The following TMEM272 variants were observed in gnomAD, a reference collection of about 807,000 sequenced individuals.
The protein encoded by TMEM272 is long intergenic non-protein coding RNA 282.
In TMEM272, 8 loss-of-function variants were observed where a neutral mutation model predicts 3.7. The ratio of observed to expected loss-of-function variants is 2.17; its 90% CI spans 1.27 to 3.91. The LOEUF (loss-of-function observed/expected upper bound fraction) is 3.91, where lower values mean the gene tolerates loss of function less well. Ranked by LOEUF, TMEM272 falls within the 30% of genes most tolerant of loss-of-function variation. The pLI is 0.00. For synonymous variants in TMEM272, 63 were observed against 39.8 expected, an observed-to-expected ratio of 1.58 and a Z score of -2.20; for missense variants, 166 against 91.5, an observed-to-expected ratio of 1.81 and a Z score of -3.32.
upstream of TMEM272, among the ~76,000 whole-genome samples, chr13:51,846,818 T>A (rs776771804): frequency 5.9e-5 from 9 of 152,212 alleles, no homozygotes; most frequent in African/African-American, 1.4e-4. Context: ...TTAAAAAAAA[T>A]TATAAAGTAA....
chr13:51,926,652 T>C, the TMEM272 span, among the ~76,000 whole-genome samples: 19 of 125,366 alleles, frequency 1.5e-4, no homozygotes, highest in East Asian at 3.9e-3. Context: ...GGTGTGGGTG[T>C]GGGTGTGTGT....
At chr13:51,850,858 T>A in the TMEM272 span, among the ~76,000 whole-genome samples, 3 of 152,226 alleles carry the variant, frequency 2.0e-5, no homozygotes, top group African/African-American at 4.8e-5. Flanking sequence ...AAAGTAACAG[T>A]ACAGCACTTC....
chr13:51,914,401 G>A, the TMEM272 span, among the ~76,000 whole-genome samples: 1 of 152,244 alleles, frequency 6.6e-6, no homozygotes, highest in East Asian at 1.9e-4. Context: ...AGGTATGTCT[G>A]TCGCAATGGA....
chr13:51,852,861 A>G, the TMEM272 span, among the ~76,000 whole-genome samples: 5 of 150,358 alleles, frequency 3.3e-5, no homozygotes, highest in African/African-American at 1.2e-4. Context: ...CAGTCTGGGT[A>G]AAAAGAGCAA....
At chr13:51,905,028 C>T in the TMEM272 span, among the ~76,000 whole-genome samples, 105 of 152,304 alleles carry the variant, frequency 6.9e-4, no homozygotes, top group Non-Finnish European at 1.2e-3. Context: ...CAGTAGCACA[C>T]CTCCAGTAGT....
the TMEM272 span, chr13:51,861,952 G>A: frequency 2.0e-5 from 3 of 152,326 alleles, no homozygotes; most frequent in Non-Finnish European, 4.4e-5. Context: ...AATCACTTGT[G>A]AGTCATCAAC....
At chr13:51,901,221 G>A in the TMEM272 span, among the ~76,000 whole-genome samples, 1 of 152,210 alleles carries the variant, frequency 6.6e-6, no homozygotes, top group African/African-American at 2.4e-5. Flanking sequence ...AAATTGTGAA[G>A]GAAGAGAACC....
chr13:51,836,633 T>A (rs984070200), intron 2 of TMEM272, among the ~76,000 whole-genome samples: 1 of 152,210 alleles, frequency 6.6e-6, no homozygotes, highest in Non-Finnish European at 1.5e-5. Context: ...GCCCACTTTC[T>A]CCACTGTATG....
At chr13:51,822,431 T>C (rs1038643358) in intron 3 of TMEM272, among the ~76,000 whole-genome samples, 1 of 152,198 alleles carries the variant, frequency 6.6e-6, no homozygotes, top group African/African-American at 2.4e-5. Context: ...GCACTCTGCC[T>C]TTCTGAATAG....
At chr13:51,866,032 C>A in the TMEM272 span, 23 of 1,607,262 alleles carry the variant, frequency 1.4e-5, no homozygotes, top group Admixed American at 5.1e-5. Flanking sequence ...GGCCCCACAA[C>A]GCCAACAGAG....
chr13:51,926,613 G>T, the TMEM272 span, among the ~76,000 whole-genome samples: 1 of 150,222 alleles, frequency 6.7e-6, no homozygotes. Context: ...GGTTGGGGGT[G>T]GGGGGGGTGG....
upstream of TMEM272, among the ~76,000 whole-genome samples, chr13:51,849,049 A>C (rs1448692112): frequency 1.3e-5 from 2 of 152,196 alleles, no homozygotes; most frequent in Non-Finnish European, 2.9e-5. Flanking sequence ...TGAGTCAAAA[A>C]GCATTTCAAT....
At chr13:51,885,148 T>C in the TMEM272 span, among the ~76,000 whole-genome samples, 1 of 152,222 alleles carries the variant, frequency 6.6e-6, no homozygotes, top group African/African-American at 2.4e-5. Context: ...GGGGTATCCA[T>C]GAACACTTTT....
At chr13:51,902,834 G>C in the TMEM272 span, among the ~76,000 whole-genome samples, 275 of 152,374 alleles carry the variant, frequency 1.8e-3, 2 homozygotes, top group African/African-American at 6.1e-3. Flanking sequence ...AATTTATTTT[G>C]AGAAACAGAT....
At chr13:51,909,162 T>C in the TMEM272 span, 1 of 1,413,284 alleles carries the variant, frequency 7.1e-7, no homozygotes, top group Middle Eastern at 1.8e-4. Flanking sequence ...AAACTCTGTT[T>C]CAGCTAATTT....
chr13:51,826,753 A>G (rs888562314), intron 2 of TMEM272, 128 bp from the exon 3 acceptor site: 4 of 653,780 alleles, frequency 6.1e-6, no homozygotes, highest in Admixed American at 2.2e-5. Flanking sequence ...AGCAGACAGG[A>G]GGAGAAGGTC....
chr13:51,880,275 CAA>C, the TMEM272 span, among the ~76,000 whole-genome samples: 823 of 129,310 alleles, frequency 6.4e-3, 5 homozygotes, highest in African/African-American at 0.022. Flanking sequence ...TTCCTTTCAC[CAA>C]AAAAAAAAAA....
chr13:51,872,884 C>T, the TMEM272 span, among the ~76,000 whole-genome samples: 4 of 152,284 alleles, frequency 2.6e-5, no homozygotes, highest in East Asian at 3.9e-4. Flanking sequence ...AGAATAAAGG[C>T]GTTTTTCAGG....
At chr13:51,847,646 A>G (rs1339089048), upstream of TMEM272, among the ~76,000 whole-genome samples, 1 of 152,144 alleles carries the variant, frequency 6.6e-6, no homozygotes, top group Non-Finnish European at 1.5e-5. Context: ...CTTATCTCAC[A>G]CTGAGTGAGT....
Sources: allele counts gnomAD v4.1 joint callset (sites outside exome capture counted in the v4.1 genomes callset), GRCh38; gene constraint gnomAD v4.1.1; transcripts MANE v1.5; gene names NCBI Gene and HGNC (gene_info 2026-07-23, HGNC 2026-07-21).